The following SLC20A2 variants were observed in gnomAD, a reference collection of about 807,000 sequenced individuals.
SLC20A2 encodes solute carrier family 20 member 2.
SLC20A2 carries 30 observed loss-of-function variants against 61.0 expected under a neutral mutation model. The observed-to-expected ratio is 0.49, with a 90% CI of 0.37 to 0.67. The LOEUF is 0.67. Ranked by LOEUF, SLC20A2 falls within the 30% of genes least tolerant of loss-of-function variation. The pLI is 0.00. For missense variants in SLC20A2, 626 were observed against 866.4 expected (o/e 0.72, Z 3.48); for synonymous variants, 351 against 353.3 (o/e 0.99, Z 0.07).
At chr8:42,422,378 C>A (rs112742388) in intron 10 of SLC20A2, among the ~76,000 whole-genome samples, 2 of 152,136 alleles carry the variant, frequency 1.3e-5, no homozygotes, top group African/African-American at 2.4e-5. Context: ...CATTTTTCAG[C>A]ATCTTGCTTA....
chr8:42,468,815 G>C (rs1231892751), intron 2 of SLC20A2, among the ~76,000 whole-genome samples: 1 of 152,132 alleles, frequency 6.6e-6, no homozygotes, highest in Non-Finnish European at 1.5e-5. Flanking sequence ...TAAGGGTTTC[G>C]AGGAGCTGGC....
chr8:42,463,210 A>C (rs1806850683), intron 3 of SLC20A2, 120 bp from the exon 4 acceptor site: 1 of 615,520 alleles, frequency 1.6e-6, no homozygotes, highest in Non-Finnish European at 2.8e-6. Context: ...TTCCAGAATT[A>C]TTTACCTTTA....
chr8:42,456,027 T>TA (rs201962675), intron 5 of SLC20A2, among the ~76,000 whole-genome samples: 2,131 of 152,306 alleles, frequency 0.014, 16 homozygotes, highest in Middle Eastern at 0.024. Context: ...ATATTATTCT[T>TA]AGAGTCTCAT....
chr8:42,458,946 C>CCA (rs1044356702), intron 5 of SLC20A2, among the ~76,000 whole-genome samples: 1 of 139,666 alleles, frequency 7.2e-6, no homozygotes, highest in South Asian at 2.4e-4. Flanking sequence ...TTTAACCCCC[C>CCA]CCCCCACAAA....
At position 42,430,242 on chromosome 8, in the gene SLC20A2, T is replaced by G; in HGVS notation, c.1531A>C (p.Ile511Leu). 1 of 1,609,514 alleles carries G rather than the reference T, an allele frequency of 6.2e-7. No homozygotes were observed. The highest frequency in any genetic ancestry group is 1.1e-5 in the South Asian group (1 of 90,458). The part of the protein sequence containing the change: ...AHGGNDVSNA[I>L]GPLVALWLIY... ...AGCCACAAGGCTACCAGGGGACCGA[T>G]GGCATTACTGGGAAAAATAAAAAGA... Residue 511 changes from isoleucine (I) to leucine (L), a missense_variant, in exon 9 of 11, where the codon ATC (isoleucine) becomes CTC (leucine). Transcript: ENST00000520262.
intron 8 of SLC20A2, among the ~76,000 whole-genome samples, chr8:42,436,663 C>T (rs1344613153): frequency 6.6e-6 from 1 of 152,168 alleles, no homozygotes; most frequent in Non-Finnish European, 1.5e-5. Flanking sequence ...GGTGTGTGCC[C>T]GCCTCAAGAC....
intron 1 of SLC20A2, among the ~76,000 whole-genome samples, chr8:42,497,420 G>T (rs59682898): frequency 0.033 from 5,035 of 151,984 alleles, 171 homozygotes; most frequent in South Asian, 0.11. Flanking sequence ...GATTCAGCAG[G>T]GCCTGGGTGG....
chr8:42,538,363 G>A (rs1812842483), intron 1 of SLC20A2: 1 of 151,758 alleles, frequency 6.6e-6, no homozygotes, highest in African/African-American at 2.4e-5. Flanking sequence ...TATTTTGGGT[G>A]AGGAAACAAA....
In SLC20A2 at chr8:42,479,825, G is replaced by GA. The variant is rs974440945; in HGVS notation, c.-264-7172dup. On this transcript the variant is annotated intron_variant, in intron 1 of 10. Transcript: ENST00000520262. Reference sequence around the variant, plus strand: ...GGGTGACGGAGTGAGACCTTGTCTGGAAAAAAAAAGAAAAGAAAATGGTTC... The same window carrying GA: ...GGGTGACGGAGTGAGACCTTGTCTGGAAAAAAAAAAGAAAAGAAAATGGTTC... Among the ~76,000 whole-genome samples the GA allele has an allele frequency of 7.0e-4, 105 of 150,544 alleles. 2 individuals carry two copies. The highest frequency in any genetic ancestry group is 2.3e-3 in the African/African-American group (95 of 41,092).
intron 1 of SLC20A2, among the ~76,000 whole-genome samples, chr8:42,528,988 T>TA (rs1812163207): frequency 8.9e-5 from 13 of 146,552 alleles, no homozygotes; most frequent in Admixed American, 4.1e-4. Context: ...TTATTATTAT[T>TA]TTTTGAGACA....
chr8:42,517,891 G>A (rs1054177299), intron 1 of SLC20A2, among the ~76,000 whole-genome samples: 16 of 152,098 alleles, frequency 1.1e-4, no homozygotes, highest in Admixed American at 9.8e-4. Flanking sequence ...AGTCCCTAAG[G>A]TTGTATGTAC....
At chr8:42,474,670 A>G (rs1306599334) in intron 1 of SLC20A2, among the ~76,000 whole-genome samples, 3 of 152,230 alleles carry the variant, frequency 2.0e-5, no homozygotes, top group Non-Finnish European at 4.4e-5. Context: ...ACAAACATGA[A>G]TAATATTCAA....
chr8:42,467,497 C>T (rs996925090), intron 2 of SLC20A2, among the ~76,000 whole-genome samples: 1 of 152,186 alleles, frequency 6.6e-6, no homozygotes, highest in Non-Finnish European at 1.5e-5. Flanking sequence ...TAATCCCAAA[C>T]GTTAATTCTG....
At chr8:42,525,740 TATAGTAGA>T (rs1811892155) in intron 1 of SLC20A2, among the ~76,000 whole-genome samples, 1 of 152,094 alleles carries the variant, frequency 6.6e-6, no homozygotes, top group Non-Finnish European at 1.5e-5. Flanking sequence ...TTGGTTAAAT[TATAGTAGA>T]GTACATTCTT....
intron 1 of SLC20A2, among the ~76,000 whole-genome samples, chr8:42,492,507 AAAG>A (rs977918375): frequency 3.9e-5 from 6 of 152,258 alleles, no homozygotes; most frequent in African/African-American, 1.4e-4. Context: ...GCGAGCATAA[AAAG>A]AAGAGCATTC....
At chr8:42,455,241 A>AAAATATATATAT (rs1416804518) in intron 5 of SLC20A2, among the ~76,000 whole-genome samples, 2 of 102,606 alleles carry the variant, frequency 1.9e-5, no homozygotes, top group African/African-American at 1.0e-4. Context: ...AAAAAAAAAA[A>AAAATATATATAT]ATATATATAT....
intron 1 of SLC20A2, among the ~76,000 whole-genome samples, chr8:42,484,402 T>C (rs1018356442): frequency 1.3e-5 from 2 of 152,238 alleles, no homozygotes; most frequent in Non-Finnish European, 2.9e-5. Flanking sequence ...GAAATCTTTT[T>C]ACTAAATTAA....
At chr8:42,421,912 C>A (rs1803072645) in intron 10 of SLC20A2, among the ~76,000 whole-genome samples, 1 of 151,852 alleles carries the variant, frequency 6.6e-6, no homozygotes, top group African/African-American at 2.4e-5. Flanking sequence ...ACTGAAGCTG[C>A]CTATATACCC....
chr8:42,516,639 C>A (rs900278185), intron 1 of SLC20A2, among the ~76,000 whole-genome samples: 1 of 152,226 alleles, frequency 6.6e-6, no homozygotes, highest in Non-Finnish European at 1.5e-5. Context: ...TCTTCCTATT[C>A]CCTGATCTAT....
Sources: allele counts gnomAD v4.1 joint callset (sites outside exome capture counted in the v4.1 genomes callset), GRCh38; gene constraint gnomAD v4.1.1; transcripts MANE v1.5; gene names NCBI Gene and HGNC (gene_info 2026-07-23, HGNC 2026-07-21).